The following PTPRQ variants were observed in gnomAD, a reference collection of about 807,000 sequenced individuals.
PTPRQ encodes protein tyrosine phosphatase receptor type Q, also known as phosphatidylinositol phosphatase PTPRQ.
Under a neutral mutation model 246.0 loss-of-function variants are expected in PTPRQ, and 199 were observed. The observed-to-expected ratio is 0.81, with a 90% CI of 0.72 to 0.91. The LOEUF (loss-of-function observed/expected upper bound fraction) is 0.91. Among genes scored for constraint, PTPRQ ranks in the 40% least tolerant of loss-of-function variants. The probability of loss-of-function intolerance (pLI) is 0.00; values close to 1 mark genes in which losing one functional copy is unlikely to be tolerated. For synonymous variants in PTPRQ, 869 were observed against 853.2 expected (o/e 1.02, Z -0.32); for missense variants, 2,624 against 2,528.4 (o/e 1.04, Z -0.81).
At chr12:80,458,825 A>C (rs1393642004) in intron 4 of PTPRQ, among the ~76,000 whole-genome samples, 1 of 152,076 alleles carries the variant, frequency 6.6e-6, no homozygotes. Context: ...AAAATACAAT[A>C]ATTACAACCA....
At chr12:80,536,783 C>G (rs1027581185) in intron 19 of PTPRQ, among the ~76,000 whole-genome samples, 2 of 152,080 alleles carry the variant, frequency 1.3e-5, no homozygotes, top group African/African-American at 2.4e-5. Context: ...ACAATTGTAA[C>G]AATATGTCAT....
chr12:80,645,034 G>T (rs1900019465), intron 35 of PTPRQ, among the ~76,000 whole-genome samples: 1 of 151,942 alleles, frequency 6.6e-6, no homozygotes, highest in African/African-American at 2.4e-5. Context: ...ATAAAAACTG[G>T]ACTACTAGAA....
intron 25 of PTPRQ, among the ~76,000 whole-genome samples, chr12:80,578,590 C>T (rs61207984): frequency 0.018 from 2,777 of 151,884 alleles, 92 homozygotes; most frequent in African/African-American, 0.063. Flanking sequence ...AGACGAGGTT[C>T]CACCGTGTTA....
chr12:80,678,958 T>C, intron 44 of PTPRQ, 28 bp from the exon 45 acceptor site: 1 of 1,532,416 alleles, frequency 6.5e-7, no homozygotes. Flanking sequence ...TTCAACACTC[T>C]CTTGTAACAT....
intron 39 of PTPRQ, among the ~76,000 whole-genome samples, chr12:80,666,548 A>G (rs985472984): frequency 6.6e-6 from 1 of 152,000 alleles, no homozygotes; most frequent in East Asian, 1.9e-4. Flanking sequence ...AATAGCTAGA[A>G]GAGCAGAATT....
chr12:80,658,334 C>G (rs1417084955), intron 39 of PTPRQ, among the ~76,000 whole-genome samples: 1 of 152,028 alleles, frequency 6.6e-6, no homozygotes, highest in African/African-American at 2.4e-5. Context: ...AATTCATATG[C>G]TTTGTTAATG....
chr12:80,605,866 A>C (rs1592709372), intron 27 of PTPRQ, among the ~76,000 whole-genome samples: 1 of 151,310 alleles, frequency 6.6e-6, no homozygotes, highest in East Asian at 2.0e-4. Context: ...ACAGATTTCT[A>C]CTGTATAACA....
chr12:80,502,888 A>G (rs759862655), intron 14 of PTPRQ, among the ~76,000 whole-genome samples: 1 of 151,902 alleles, frequency 6.6e-6, no homozygotes, highest in Non-Finnish European at 1.5e-5. Context: ...TACAGAGTCC[A>G]GGGAACTGGA....
chr12:80,554,033 A>G (rs147979050), intron 25 of PTPRQ, among the ~76,000 whole-genome samples: 9 of 147,378 alleles, frequency 6.1e-5, no homozygotes, highest in Non-Finnish European at 1.2e-4. Context: ...ATGGAGATAG[A>G]GTGTAGAATG....
rs1896180816 is a variant in PTPRQ at position 80,542,329 on chromosome 12, C to T, written c.3686C>T (p.Pro1229Leu). The T allele has an allele frequency of 6.5e-7, 1 of 1,545,984 alleles. No homozygotes were observed. The highest frequency in any genetic ancestry group is 2.5e-5 in the East Asian group (1 of 40,812). The change falls in exon 22 of 45, where the codon CCT becomes CTT. Residue 1229 changes from proline (P) to leucine (L), a missense_variant. Coordinates refer to ENST00000644991, the MANE Select transcript of PTPRQ (RefSeq NM_001145026.2). ...AAARTRKGLG[P>L]SSILFFYTDE... ...GCAAGAACTAGAAAAGGACTTGGTC[C>T]TTCCAGTATTCTTTTCTTTTACACA...
chr12:80,575,871 GA>G (rs146647496), intron 25 of PTPRQ, among the ~76,000 whole-genome samples: 5 of 142,928 alleles, frequency 3.5e-5, no homozygotes, highest in African/African-American at 1.4e-4. Flanking sequence ...AAAAGAAAAA[GA>G]AAAAGAAAAG....
At chr12:80,529,595 T>C (rs1462827666) in intron 17 of PTPRQ, among the ~76,000 whole-genome samples, 7 of 152,092 alleles carry the variant, frequency 4.6e-5, no homozygotes, top group Non-Finnish European at 1.0e-4. Flanking sequence ...AACAAAGAAA[T>C]TGGTAAAGCA....
intron 35 of PTPRQ, among the ~76,000 whole-genome samples, chr12:80,642,053 T>C (rs1048925019): frequency 6.6e-6 from 1 of 152,070 alleles, no homozygotes; most frequent in Non-Finnish European, 1.5e-5. Context: ...AATCAGTGAC[T>C]AGTACCCTGC....
At chr12:80,678,944 T>G in intron 44 of PTPRQ, 42 bp from the exon 45 acceptor site, 1 of 1,518,318 alleles carries the variant, frequency 6.6e-7, no homozygotes, top group Non-Finnish European at 8.8e-7. Context: ...TTTGAACTGT[T>G]AACTTCAACA....
At chr12:80,622,765 A>T (rs1899043996) in intron 33 of PTPRQ, among the ~76,000 whole-genome samples, 1 of 152,078 alleles carries the variant, frequency 6.6e-6, no homozygotes, top group African/African-American at 2.4e-5. Context: ...AATTTCTATA[A>T]ATCTGAGTTT....
intron 17 of PTPRQ, among the ~76,000 whole-genome samples, chr12:80,519,923 T>C (rs1895418988): frequency 1.3e-5 from 2 of 152,086 alleles, no homozygotes; most frequent in Admixed American, 6.6e-5. Context: ...GATGGTGAGC[T>C]ACAATTGTTT....
At chr12:80,484,016 TTTG>T (rs1398022618) in intron 8 of PTPRQ, among the ~76,000 whole-genome samples, 2 of 151,742 alleles carry the variant, frequency 1.3e-5, no homozygotes, top group Non-Finnish European at 1.5e-5. Flanking sequence ...TGTTTGTTTG[TTTG>T]TTTTTTGATG....
Position 80,657,985 on chromosome 12 carries a change from A to C in PTPRQ, c.6116A>C (p.Tyr2039Ser). Residue 2039 changes from tyrosine (Y) to serine (S), a missense_variant and splice_region_variant, in exon 39 of 45, where the codon TAT becomes TCT. Physicochemically the swap from Tyr to Ser is moderately radical, Grantham distance 144. Coordinates refer to ENST00000644991, the MANE Select transcript of PTPRQ (RefSeq NM_001145026.2). ...ATTGATTCCTTATATTTTCTTCTAG[A>C]TAATAATAACAGAGTAAAGCTGATA... is the stretch of plus-strand genomic sequence containing the variant. ...AKNRFPNIKP[Y>S]NNNRVKLIAD... The C allele has an allele frequency of 7.1e-7, 1 of 1,412,550 alleles. No homozygotes were observed. Among genetic ancestry groups the C allele is most frequent in the Non-Finnish European group, 9.2e-7 (1 of 1,081,720 alleles). 87.5% of individuals were successfully genotyped at this position (1,412,550 alleles called of 1,614,324 possible). A position where few individuals can be genotyped will look rare whatever the true frequency, so the allele number is the denominator to read the frequency against.
chr12:80,670,000 C>T (rs1360582207), intron 41 of PTPRQ, among the ~76,000 whole-genome samples: 1 of 151,844 alleles, frequency 6.6e-6, no homozygotes, highest in African/African-American at 2.4e-5. Context: ...TGCTCAATAC[C>T]TGTGTATGGA....
Sources: allele counts gnomAD v4.1 joint callset (sites outside exome capture counted in the v4.1 genomes callset), GRCh38; gene constraint gnomAD v4.1.1; transcripts MANE v1.5; gene names NCBI Gene and HGNC (gene_info 2026-07-23, HGNC 2026-07-21).